The following PPFIA2 variants were observed in gnomAD, a reference collection of about 807,000 sequenced individuals.
The protein encoded by PPFIA2 is liprin-alpha-2.
Under a neutral mutation model 175.5 loss-of-function variants are expected in PPFIA2, and 46 were observed. The ratio of observed to expected loss-of-function variants is 0.26; its 90% CI spans 0.21 to 0.34. The LOEUF (loss-of-function observed/expected upper bound fraction) is 0.34, where lower values mean the gene tolerates loss of function less well. Ranked by LOEUF, PPFIA2 falls within the 10% of genes least tolerant of loss-of-function variation. The probability of loss-of-function intolerance (pLI) is 1.00; values close to 1 mark genes in which losing one functional copy is unlikely to be tolerated. For synonymous variants in PPFIA2, 568 were observed against 511.4 expected (o/e 1.11, Z -1.49); for missense variants, 1,179 against 1,506.1 (o/e 0.78, Z 3.60).
intron 4 of PPFIA2, among the ~76,000 whole-genome samples, chr12:81,476,804 C>A (rs1291274376): frequency 6.6e-6 from 1 of 152,060 alleles, no homozygotes; most frequent in Non-Finnish European, 1.5e-5. Flanking sequence ...GACATGGAAC[C>A]AACTCAATGC....
intron 4 of PPFIA2, among the ~76,000 whole-genome samples, chr12:81,528,172 C>T (rs1766806902): frequency 6.6e-6 from 1 of 151,978 alleles, no homozygotes; most frequent in Non-Finnish European, 1.5e-5. Context: ...TGAGAGAGTG[C>T]CATTGATCAA....
At chr12:81,692,000 G>C (rs1470038247) in intron 3 of PPFIA2, among the ~76,000 whole-genome samples, 1 of 151,566 alleles carries the variant, frequency 6.6e-6, no homozygotes, top group Non-Finnish European at 1.5e-5. Context: ...TAAAAATATG[G>C]TTAAGTGTTG....
At chr12:81,441,452 TAA>T (rs1243360371) in intron 6 of PPFIA2, among the ~76,000 whole-genome samples, 1 of 152,098 alleles carries the variant, frequency 6.6e-6, no homozygotes, top group Non-Finnish European at 1.5e-5. Context: ...ACTTGATTTC[TAA>T]AAGAGTTGCA....
At chr12:81,663,955 A>G (rs896332483) in intron 4 of PPFIA2, among the ~76,000 whole-genome samples, 4 of 152,224 alleles carry the variant, frequency 2.6e-5, no homozygotes, top group Non-Finnish European at 5.9e-5. Flanking sequence ...TCCCTATTTA[A>G]TAAATGGTGC....
At chr12:81,635,177 A>G (rs1230366733) in intron 4 of PPFIA2, among the ~76,000 whole-genome samples, 1 of 152,194 alleles carries the variant, frequency 6.6e-6, no homozygotes, top group Non-Finnish European at 1.5e-5. Context: ...TCTGTCAAAT[A>G]TAAATCAAGG....
At chr12:81,594,423 G>T (rs2153448474) in intron 4 of PPFIA2, among the ~76,000 whole-genome samples, 1 of 152,238 alleles carries the variant, frequency 6.6e-6, no homozygotes, top group South Asian at 2.1e-4. Flanking sequence ...ATCTTAAACA[G>T]AAATAATTCT....
At chr12:81,588,701 T>G (rs2075618613) in intron 4 of PPFIA2, among the ~76,000 whole-genome samples, 1 of 152,144 alleles carries the variant, frequency 6.6e-6, no homozygotes, top group African/African-American at 2.4e-5. Context: ...TTGAATTATA[T>G]TTATTATACC....
chr12:81,308,270 C>G (rs1010135594), intron 22 of PPFIA2, among the ~76,000 whole-genome samples: 1 of 152,144 alleles, frequency 6.6e-6, no homozygotes, highest in Non-Finnish European at 1.5e-5. Flanking sequence ...TCACACAAAA[C>G]AGTAACTAAT....
At chr12:81,397,136 G>A (rs1389606067) in intron 8 of PPFIA2, among the ~76,000 whole-genome samples, 1 of 152,008 alleles carries the variant, frequency 6.6e-6, no homozygotes, top group Non-Finnish European at 1.5e-5. Context: ...ATATGCATTT[G>A]GTTGTAGGGT....
intron 32 of PPFIA2, chr12:81,260,865 G>C (rs1336384478): frequency 1.3e-5 from 2 of 151,910 alleles, no homozygotes; most frequent in African/African-American, 4.8e-5. Flanking sequence ...ATCGAAAGTG[G>C]TTAAATATTT....
intron 4 of PPFIA2, among the ~76,000 whole-genome samples, chr12:81,631,510 G>A (rs903632326): frequency 1.6e-4 from 24 of 152,208 alleles, no homozygotes; most frequent in African/African-American, 5.5e-4. Context: ...AATTTAAAAG[G>A]TTGTATAAAA....
chr12:81,480,924 CA>C (rs2058134272), intron 4 of PPFIA2, among the ~76,000 whole-genome samples: 2 of 152,088 alleles, frequency 1.3e-5, no homozygotes, highest in African/African-American at 4.8e-5. Context: ...AAAAGGTATT[CA>C]AATAGGAAGA....
chr12:81,716,041 CAT>C (rs1374406004), intron 3 of PPFIA2, among the ~76,000 whole-genome samples: 2 of 151,082 alleles, frequency 1.3e-5, no homozygotes, highest in African/African-American at 2.4e-5. Flanking sequence ...ATGTAATATT[CAT>C]ATAGTTTCAG....
intron 4 of PPFIA2, among the ~76,000 whole-genome samples, chr12:81,561,295 G>C (rs2070017641): frequency 6.6e-6 from 1 of 152,070 alleles, no homozygotes; most frequent in South Asian, 2.1e-4. Context: ...ACTAGTTTCA[G>C]ACATAACATT....
At chr12:81,540,245 C>T (rs577237789) in intron 4 of PPFIA2, among the ~76,000 whole-genome samples, 1 of 152,020 alleles carries the variant, frequency 6.6e-6, no homozygotes, top group South Asian at 2.1e-4. Context: ...AAGAAGTAAA[C>T]CTTTTAAAGT....
chr12:81,676,317 T>C (rs916915691), intron 4 of PPFIA2, among the ~76,000 whole-genome samples: 2 of 152,010 alleles, frequency 1.3e-5, no homozygotes, highest in African/African-American at 4.8e-5. Context: ...TGTTGCTGCT[T>C]GTAAATTATA....
chr12:81,309,302 C>A (rs1279386483), intron 22 of PPFIA2, among the ~76,000 whole-genome samples: 3 of 152,044 alleles, frequency 2.0e-5, no homozygotes, highest in African/African-American at 7.2e-5. Context: ...TCAGCAAATG[C>A]AAAGTATGGT....
At chr12:81,570,015 A>G (rs991286524) in intron 4 of PPFIA2, among the ~76,000 whole-genome samples, 1 of 152,106 alleles carries the variant, frequency 6.6e-6, no homozygotes, top group Non-Finnish European at 1.5e-5. Context: ...AAATCTAGAC[A>G]CAGGCTAGCC....
intron 3 of PPFIA2, among the ~76,000 whole-genome samples, chr12:81,703,175 G>A (rs1354277450): frequency 2.0e-5 from 3 of 152,058 alleles, no homozygotes; most frequent in Admixed American, 1.3e-4. Context: ...TACTGTCAAT[G>A]AGTTTCATAT....
Sources: allele counts gnomAD v4.1 joint callset (sites outside exome capture counted in the v4.1 genomes callset), GRCh38; gene constraint gnomAD v4.1.1; transcripts MANE v1.5; gene names NCBI Gene and HGNC (gene_info 2026-07-23, HGNC 2026-07-21).